BAHD1: variants seen among roughly 807,000 people sequenced by gnomAD.
The protein encoded by BAHD1 is bromo adjacent homology domain-containing 1 protein.
Under a neutral mutation model 63.1 loss-of-function variants are expected in BAHD1, and 20 were observed. The observed-to-expected ratio is 0.32, with a 90% CI of 0.22 to 0.46. BAHD1 has a LOEUF of 0.46. BAHD1 is among the 20% of genes least tolerant of loss of function. The pLI is 1.00. For missense variants in BAHD1, 939 were observed against 1,071.8 expected (o/e 0.88, Z 1.73); for synonymous variants, 408 against 426.8 (o/e 0.96, Z 0.54).
chr15:40,445,512 G>A (rs1212266032), intron 1 of BAHD1, among the ~76,000 whole-genome samples: 3 of 152,010 alleles, frequency 2.0e-5, no homozygotes, highest in Non-Finnish European at 2.9e-5. Flanking sequence ...GCCTTGCTCC[G>A]GCAACATCTG....
intron 1 of BAHD1, among the ~76,000 whole-genome samples, chr15:40,455,252 C>T (rs1436529413): frequency 1.3e-5 from 2 of 152,186 alleles, no homozygotes; most frequent in African/African-American, 4.8e-5. Context: ...ATGTGACTCG[C>T]ACCCTGTGAT....
At chr15:40,443,279 G>T (rs2141465582) in intron 1 of BAHD1, 1 of 985,440 alleles carries the variant, frequency 1.0e-6, no homozygotes, top group South Asian at 4.7e-5. Flanking sequence ...GACCTCCCTG[G>T]AATGATCTAG....
At chr15:40,464,064 A>T in intron 4 of BAHD1, 44 bp downstream of exon 4, 1 of 1,603,694 alleles carries the variant, frequency 6.2e-7, no homozygotes, top group Non-Finnish European at 8.5e-7. Flanking sequence ...AGCTGCCTTC[A>T]GCAGAACTGT....
At chr15:40,453,753 C>G (rs1225109457) in intron 1 of BAHD1, 1 of 152,166 alleles carries the variant, frequency 6.6e-6, no homozygotes, top group African/African-American at 2.4e-5. Flanking sequence ...AGTTTGAGAC[C>G]AGCCTGGACA....
intron 1 of BAHD1, chr15:40,443,245 G>A (rs1377252019): frequency 1.0e-6 from 1 of 985,226 alleles, no homozygotes; most frequent in Non-Finnish European, 1.2e-6. Flanking sequence ...GGGCATGGGA[G>A]TTTATTCATG....
At chr15:40,453,109 G>A (rs1326641997) in intron 1 of BAHD1, among the ~76,000 whole-genome samples, 1 of 152,148 alleles carries the variant, frequency 6.6e-6, no homozygotes. Context: ...GGGGAGGTTG[G>A]CCTGCCTGCC....
chr15:40,466,273 C>T lies in BAHD1; in HGVS notation c.*143C>T, dbSNP rs1008426712. 47 of 747,326 alleles carry T rather than the reference C, an allele frequency of 6.3e-5. No individual in the cohort carries two copies. The Admixed American group carries it at 1.3e-3, about 20-fold the overall frequency. 46.3% of individuals were successfully genotyped at this position (747,326 alleles called of 1,614,324 possible). The stretch of plus-strand genomic sequence containing the variant: ...GTTTTCTTGGGGGGGAGGGCAGGGG[C>T]CCCTGTGGGTTCTGGGCTCCAGGGG... On this transcript the variant is annotated 3_prime_UTR_variant, in exon 7 of 7. Coordinates refer to ENST00000416165, the MANE Select transcript of BAHD1 (RefSeq NM_014952.5).
At chr15:40,440,719 C>T (rs971597649), upstream of BAHD1, among the ~76,000 whole-genome samples, 11 of 152,134 alleles carry the variant, frequency 7.2e-5, no homozygotes, top group Admixed American at 5.9e-4. Context: ...CCCCCAAGGC[C>T]CCACCACTCC....
Position 40,466,492 on chromosome 15 carries a change from A to G in BAHD1, c.*362A>G, listed in dbSNP as rs1214269107. 1.0e-5 allele frequency: 2 copies of G among 197,382 alleles called. No individual in the cohort carries two copies. The highest frequency in any genetic ancestry group is 5.5e-5 in the Admixed American group (1 of 18,146). 12.2% of individuals were successfully genotyped at this position (197,382 alleles called of 1,614,324 possible). ...GCAAGGTCTTTCAGGAACCAGACCC[A>G]ACAGGCCCTTCTGTAGCCTCCCCCT... On this transcript the variant is annotated 3_prime_UTR_variant, in exon 7 of 7. Coordinates refer to ENST00000416165, the MANE Select transcript of BAHD1 (RefSeq NM_014952.5).
intron 1 of BAHD1, among the ~76,000 whole-genome samples, chr15:40,445,272 AAAAAC>A (rs1052224639): frequency 2.0e-5 from 3 of 151,392 alleles, no homozygotes; most frequent in South Asian, 2.1e-4. Flanking sequence ...AAAAAAAAAA[AAAAAC>A]AACCCTTTCA....
chr15:40,460,438 G>T lies in BAHD1; in HGVS notation c.1432+542G>T, dbSNP rs567361582. Among the ~76,000 whole-genome samples, 5 of 152,272 alleles carry T rather than the reference G, an allele frequency of 3.3e-5. No individual in the cohort carries two copies. In the South Asian group the frequency reaches 1.0e-3, roughly 32 times the overall value. ...GCTTTGCCCTGGCTATAGAGGCATT[G>T]AAAGAGAAGTGCCCAGACTGAGCAT... On this transcript the variant is annotated intron_variant, in intron 2 of 6. Coordinates refer to ENST00000416165, the MANE Select transcript of BAHD1 (RefSeq NM_014952.5).
At chr15:40,447,579 T>TAAATA (rs1555408571) in intron 1 of BAHD1, among the ~76,000 whole-genome samples, 4 of 49,914 alleles carry the variant, frequency 8.0e-5, no homozygotes, top group African/African-American at 2.0e-4. Flanking sequence ...AATAAATAAA[T>TAAATA]AAATAAATAA....
intron 1 of BAHD1, among the ~76,000 whole-genome samples, chr15:40,443,862 T>C (rs1248881274): frequency 1.3e-5 from 2 of 152,100 alleles, no homozygotes; most frequent in African/African-American, 4.8e-5. Flanking sequence ...CAGTGTCCCC[T>C]CCAGCTCTTC....
At chr15:40,448,116 C>G (rs1223699229) in intron 1 of BAHD1, among the ~76,000 whole-genome samples, 7 of 152,016 alleles carry the variant, frequency 4.6e-5, no homozygotes, top group Non-Finnish European at 7.4e-5. Context: ...GTGGTATGCG[C>G]CTGTAGTCCC....
chr15:40,458,593 G>C lies in BAHD1; in HGVS notation c.129G>C (p.Glu43Asp). 1.9e-6 allele frequency: 3 copies of C among 1,614,058 alleles called. No individual in the cohort carries two copies. The highest frequency in any genetic ancestry group is 2.5e-6 in the Non-Finnish European group (3 of 1,180,012). ...GVEGVEPGMP[E>D]SPGHLTGRRK... ...AGGGTGTGGAGCCAGGCATGCCCGA[G>C]AGCCCAGGTCACCTCACAGGGCGCC... is the stretch of plus-strand genomic sequence containing the variant. The change falls in exon 2 of 7, where the codon GAG becomes GAC. Residue 43 changes from glutamate to aspartate, a missense_variant. This residue lies in a region of BAHD1 where 797 missense variants were observed against 813.3 expected (regional missense o/e 0.98). Coordinates refer to ENST00000416165, the MANE Select transcript of BAHD1 (RefSeq NM_014952.5). This position sits in a 1 kb window ranked among gnomAD's most constrained non-coding sequence, Gnocchi z 4.7.
At chr15:40,463,671 C>G (rs1894116898) in intron 3 of BAHD1, among the ~76,000 whole-genome samples, 190 bp from the exon 4 acceptor site, 1 of 152,174 alleles carries the variant, frequency 6.6e-6, no homozygotes, top group Non-Finnish European at 1.5e-5. Flanking sequence ...CACCCCTATT[C>G]CCTTTTCTCA....
At position 40,458,932 on chromosome 15, in the gene BAHD1, C is replaced by A; in HGVS notation, c.468C>A (p.Asp156Glu). 6.3e-7 allele frequency: 1 copy of A among 1,595,426 alleles called. No individual in the cohort carries two copies. The highest frequency in any genetic ancestry group is 8.5e-7 in the Non-Finnish European group (1 of 1,169,824). The change falls in exon 2 of 7, where the codon GAC (aspartate) becomes GAA (glutamate). Residue 156 changes from aspartate to glutamate, a missense_variant. Physicochemically the swap from Asp to Glu is conservative, Grantham distance 45. Coordinates refer to ENST00000416165, the MANE Select transcript of BAHD1 (RefSeq NM_014952.5). This position sits in a 1 kb window ranked among gnomAD's most constrained non-coding sequence, Gnocchi z 4.7. ...CAGGGGATCCCCACCGCAGCCGTGA[C>A]CGTGATCGTGCTACTGGGGGCTGGT... ...SRAGDPHRSR[D>E]RDRATGGWSS...
At chr15:40,452,582 G>T (rs1893738203) in intron 1 of BAHD1, among the ~76,000 whole-genome samples, 1 of 152,126 alleles carries the variant, frequency 6.6e-6, no homozygotes, top group African/African-American at 2.4e-5. Flanking sequence ...CCTGTCCCAG[G>T]CAGCCTCTGC....
upstream of BAHD1, among the ~76,000 whole-genome samples, chr15:40,437,595 T>C (rs1893299364): frequency 1.3e-5 from 2 of 152,146 alleles, no homozygotes; most frequent in African/African-American, 2.4e-5. Flanking sequence ...GTAAGTATTG[T>C]GGGGACCTAG....
Sources: allele counts gnomAD v4.1 joint callset (sites outside exome capture counted in the v4.1 genomes callset), GRCh38; gene constraint gnomAD v4.1.1; regional missense constraint gnomAD v4.1.1; non-coding constraint Gnocchi (gnomAD v3.1); transcripts MANE v1.5; gene names NCBI Gene and HGNC (gene_info 2026-07-23, HGNC 2026-07-21).